TENT4A: variants seen among roughly 807,000 people sequenced by gnomAD.
TENT4A encodes DNA polymerase kappa.
In TENT4A, 7 loss-of-function variants were observed where a neutral mutation model predicts 72.8. The observed-to-expected ratio is 0.10, with a 90% CI of 0.05 to 0.18. The LOEUF is 0.18. Among genes scored for constraint, TENT4A ranks in the 10% least tolerant of loss-of-function variants. TENT4A has a pLI of 1.00. For missense variants in TENT4A, 831 were observed against 1,017.7 expected (o/e 0.82, Z 2.50); for synonymous variants, 456 against 434.3 (o/e 1.05, Z -0.62).
rs1473262317 is a variant in TENT4A at position 6,756,789 on chromosome 5, A to C, written c.*1844A>C. On this transcript the variant is annotated 3_prime_UTR_variant, in exon 13 of 13. Coordinates refer to ENST00000230859, the MANE Select transcript of TENT4A (RefSeq NM_006999.6). ...GTAAACCCACATTAAGGAAACCACTACGGGTCTGGCAGTGCGTGTCCCGTG... is the reference window on the plus strand; with the variant it reads ...GTAAACCCACATTAAGGAAACCACTCCGGGTCTGGCAGTGCGTGTCCCGTG... The C allele has an allele frequency of 6.6e-6, 1 of 152,636 alleles. No homozygotes were observed. Among genetic ancestry groups the C allele is most frequent in the African/African-American group, 2.4e-5 (1 of 41,452 alleles). The allele number at this position is 152,636 out of a possible 1,614,324, so 9.5% of individuals were successfully genotyped here. A position where few individuals can be genotyped will look rare whatever the true frequency, so the allele number is the denominator to read the frequency against.
chr5:6,714,134 G>A lies in TENT4A; in HGVS notation c.151G>A (p.Ala51Thr). The change falls in exon 1 of 13, where the codon GCG becomes ACG. Residue 51 changes from alanine (A) to threonine (T), a missense_variant. Ala to Thr is a moderately conservative substitution (Grantham distance 58). Around this residue, in one of 3 missense-constraint regions of TENT4A, gnomAD observed 302 missense variants for 293.8 expected, o/e 1.03. Transcript: ENST00000230859. The part of the protein sequence containing the change: ...FCLNSPALDT[A>T]AAAGAAGRGS... The stretch of plus-strand genomic sequence containing the variant: ...CCTCAACTCGCCGGCGCTGGACACG[G>A]CGGCCGCGGCGGGGGCGGCCGGGCG... 3.1e-6 allele frequency: 3 copies of A among 979,076 alleles called. No homozygotes were observed. The highest frequency in any genetic ancestry group is 3.6e-6 in the Non-Finnish European group (3 of 827,530). 60.6% of individuals were successfully genotyped at this position (979,076 alleles called of 1,614,324 possible). A position where few individuals can be genotyped will look rare whatever the true frequency, so the allele number is the denominator to read the frequency against.
chr5:6,753,327 TC>T (rs1742515698), intron 12 of TENT4A, among the ~76,000 whole-genome samples: 3 of 152,378 alleles, frequency 2.0e-5, no homozygotes, highest in South Asian at 4.1e-4. Flanking sequence ...TGAAGACTTT[TC>T]CCATTTACAT....
At chr5:6,737,756 C>G (rs1446416029) in intron 2 of TENT4A, 123 bp downstream of exon 2, 4 of 1,112,190 alleles carry the variant, frequency 3.6e-6, no homozygotes, top group Non-Finnish European at 5.0e-6. Context: ...GGCAGCAGTT[C>G]TCCAAGTGTG....
rs767411982 is a variant in TENT4A, at chr5:6,750,376, A to G, written c.1733A>G (p.Glu578Gly). ...IKERIATCNG[E>G]QTQNREPESP... The stretch of plus-strand genomic sequence containing the variant: ...GAGCGAATAGCCACATGCAATGGGG[A>G]GCAGACGCAGAACCGAGAGCCCGAG... The change falls in exon 10 of 13, where the codon GAG becomes GGG. Residue 578 changes from glutamate (E) to glycine (G), a missense_variant. By Grantham distance (98) the Glu-to-Gly change is moderately conservative. Coordinates refer to ENST00000230859, the MANE Select transcript of TENT4A (RefSeq NM_006999.6). The G allele has an allele frequency of 1.2e-6, 2 of 1,612,848 alleles. No individual in the cohort carries two copies. Among genetic ancestry groups the G allele is most frequent in the Non-Finnish European group, 8.5e-7 (1 of 1,179,416 alleles).
At chr5:6,740,938 C>T (rs1008856197) in intron 4 of TENT4A, among the ~76,000 whole-genome samples, 1 of 152,184 alleles carries the variant, frequency 6.6e-6, no homozygotes, top group Admixed American at 6.5e-5. Context: ...AACTGAGATG[C>T]GGAGAGGTGA....
intron 1 of TENT4A, among the ~76,000 whole-genome samples, chr5:6,729,592 C>T (rs1014297459): frequency 2.0e-5 from 3 of 152,236 alleles, no homozygotes; most frequent in African/African-American, 7.2e-5. Flanking sequence ...CGGTAGTCAG[C>T]AGTTGTGCTG....
intron 1 of TENT4A, among the ~76,000 whole-genome samples, chr5:6,718,375 C>T (rs748608554): frequency 9.9e-5 from 15 of 152,184 alleles, no homozygotes; most frequent in Non-Finnish European, 1.5e-4. Flanking sequence ...GTGACCTGTC[C>T]GGAACATCCT....
At position 6,756,705 on chromosome 5, in the gene TENT4A, T is replaced by C. The variant is rs534993747; in HGVS notation, c.*1760T>C. ...AAATTGTGAACCTATTGATAAAGAA[T>C]ATTTATAAAAACTGATCTGTAGGCC... On this transcript the variant is annotated 3_prime_UTR_variant, in exon 13 of 13. Coordinates refer to ENST00000230859, the MANE Select transcript of TENT4A (RefSeq NM_006999.6). 6.5e-6 allele frequency: 1 copy of C among 152,786 alleles called. No homozygotes were observed. The highest frequency in any genetic ancestry group is 2.4e-5 in the African/African-American group (1 of 41,582). 9.5% of individuals were successfully genotyped at this position (152,786 alleles called of 1,614,324 possible). A position where few individuals can be genotyped will look rare whatever the true frequency, so the allele number is the denominator to read the frequency against.
chr5:6,750,992 AC>A, intron 10 of TENT4A, 46 bp from the exon 11 acceptor site: 1 of 1,599,676 alleles, frequency 6.3e-7, no homozygotes, highest in Non-Finnish European at 8.6e-7. Context: ...GTAGTAGTGC[AC>A]CTTTGTGGTA....
Position 6,754,994 on chromosome 5 carries a change from C to T in TENT4A, c.*49C>T, listed in dbSNP as rs368724278. ...CCCCACCCCTCTGCAGACTGCCCCG[C>T]GGCCTCGGCCACCGGCAGGGGAACC... is the stretch of plus-strand genomic sequence containing the variant. On this transcript the variant is annotated 3_prime_UTR_variant, in exon 13 of 13. Transcript: ENST00000230859. 6.1e-5 allele frequency: 90 copies of T among 1,469,530 alleles called. No individual in the cohort carries two copies. In the African/African-American group the frequency reaches 9.5e-4, roughly 15 times the overall value. The allele number at this position is 1,469,530 out of a possible 1,614,324, so 91.0% of individuals were successfully genotyped here.
At chr5:6,749,709 T>C in intron 9 of TENT4A, 52 bp downstream of exon 9, 1 of 1,155,294 alleles carries the variant, frequency 8.7e-7, no homozygotes, top group Non-Finnish European at 1.3e-6. Context: ...GGCATGTTCA[T>C]GCAGAAGTGT....
chr5:6,737,438 A>T lies in TENT4A; in HGVS notation c.717-72A>T. 6 of 1,340,628 alleles carry T rather than the reference A, an allele frequency of 4.5e-6. No individual in the cohort carries two copies. The South Asian group carries it at 8.1e-5, about 18-fold the overall frequency. 83.0% of individuals were successfully genotyped at this position (1,340,628 alleles called of 1,614,324 possible). A position where few individuals can be genotyped will look rare whatever the true frequency, so the allele number is the denominator to read the frequency against. On this transcript the variant is annotated intron_variant, in intron 1 of 12. Transcript: ENST00000230859. ...AGAAATATGTTTGAGCGTCATCCTG[A>T]TGTAAGAACAGAACAGAAAATGTGG...
chr5:6,726,411 C>G (rs1740922079), intron 1 of TENT4A, among the ~76,000 whole-genome samples: 1 of 152,172 alleles, frequency 6.6e-6, no homozygotes, highest in African/African-American at 2.4e-5. Context: ...GTTCATGCTT[C>G]TGGTGAGTTT....
At chr5:6,732,705 AGT>A (rs1186592207) in intron 1 of TENT4A, among the ~76,000 whole-genome samples, 1 of 152,212 alleles carries the variant, frequency 6.6e-6, no homozygotes, top group African/African-American at 2.4e-5. Context: ...TCTGTTTTCG[AGT>A]AGTTTCCTGA....
At chr5:6,750,848 T>G (rs946817953) in intron 10 of TENT4A, 191 bp from the exon 11 acceptor site, 3 of 603,330 alleles carry the variant, frequency 5.0e-6, no homozygotes, top group Admixed American at 3.0e-5. Context: ...TTTAACATTC[T>G]TTTTCAGTTG....
At chr5:6,730,306 G>A (rs1262364214) in intron 1 of TENT4A, among the ~76,000 whole-genome samples, 1 of 152,096 alleles carries the variant, frequency 6.6e-6, no homozygotes, top group Admixed American at 6.5e-5. Context: ...GGAGGGAAGG[G>A]GAAAAAAGGC....
At chr5:6,751,706 A>G (rs1742416765) in intron 11 of TENT4A, among the ~76,000 whole-genome samples, 1 of 152,264 alleles carries the variant, frequency 6.6e-6, no homozygotes, top group Admixed American at 6.5e-5. Flanking sequence ...AGAAATCTAA[A>G]GGATAATTTT....
intron 6 of TENT4A, chr5:6,745,973 A>G (rs574934656): frequency 4.5e-6 from 6 of 1,326,256 alleles, no homozygotes; most frequent in East Asian, 6.5e-5. Context: ...AGTTTGCTGT[A>G]TGGATTACCA....
At chr5:6,729,153 G>C (rs1320111736) in intron 1 of TENT4A, among the ~76,000 whole-genome samples, 1 of 152,234 alleles carries the variant, frequency 6.6e-6, no homozygotes, top group Non-Finnish European at 1.5e-5. Flanking sequence ...GTGGCTTCCA[G>C]CTCAGTGGCT....
Sources: allele counts gnomAD v4.1 joint callset (sites outside exome capture counted in the v4.1 genomes callset), GRCh38; gene constraint gnomAD v4.1.1; regional missense constraint gnomAD v4.1.1; transcripts MANE v1.5; gene names NCBI Gene and HGNC (gene_info 2026-07-23, HGNC 2026-07-21).